The following DNAH3 variants were observed in gnomAD, a reference collection of about 807,000 sequenced individuals.
The protein encoded by DNAH3 is axonemal beta dynein heavy chain 3.
DNAH3 carries 332 observed loss-of-function variants against 432.5 expected under a neutral mutation model. That is an observed-to-expected ratio of 0.77 (90% CI 0.70 to 0.84). The LOEUF (loss-of-function observed/expected upper bound fraction) is 0.84, where lower values mean the gene tolerates loss of function less well. DNAH3 is among the 40% of genes least tolerant of loss of function. The probability of loss-of-function intolerance (pLI) is 0.00; values close to 1 mark genes in which losing one functional copy is unlikely to be tolerated. For missense variants in DNAH3, 4,861 were observed against 5,114.0 expected (o/e 0.95, Z 1.51); for synonymous variants, 1,956 against 1,900.2 (o/e 1.03, Z -0.76).
Position 21,098,781 on chromosome 16 carries a change from G to A in DNAH3, c.2367-12C>T, listed in dbSNP as rs761428504. 2 of 1,606,814 alleles carry A rather than the reference G, an allele frequency of 1.2e-6. No homozygotes were observed. Among genetic ancestry groups the A allele is most frequent in the Admixed American group, 1.7e-5 (1 of 57,482 alleles). On this transcript the variant is annotated splice_polypyrimidine_tract_variant and intron_variant, in intron 16 of 61. Coordinates refer to ENST00000261383, the Ensembl canonical transcript of DNAH3. ...CAAATTCTGAGCATCTGAAAATAAA[G>A]ACAGCCTGGTTACCTTTGGACTTTG...
chr16:21,084,186 T>C (rs968056525), intron 19 of DNAH3, among the ~76,000 whole-genome samples: 1 of 152,198 alleles, frequency 6.6e-6, no homozygotes, highest in Non-Finnish European at 1.5e-5. Context: ...TAATCTCCAC[T>C]TCAAAGGCCT....
intron 41 of DNAH3, among the ~76,000 whole-genome samples, chr16:21,010,902 G>GT (rs1183757459): frequency 1.2e-3 from 149 of 129,230 alleles, no homozygotes; most frequent in African/African-American, 3.0e-3. Context: ...TTTTTTTTTT[G>GT]TTTTTTTTTG....
intron 16 of DNAH3, among the ~76,000 whole-genome samples, chr16:21,100,764 G>A (rs1368739279): frequency 6.6e-6 from 1 of 152,144 alleles, no homozygotes; most frequent in African/African-American, 2.4e-5. Flanking sequence ...TTATTCTTCT[G>A]TTGTACATGC....
chr16:21,120,630 T>C, intron 11 of DNAH3: 2 of 841,116 alleles, frequency 2.4e-6, no homozygotes, highest in East Asian at 2.6e-5. Context: ...TTGTTTTTCC[T>C]TATTGTCTCG....
At chr16:21,029,467 T>A (rs1421732220) in intron 37 of DNAH3, among the ~76,000 whole-genome samples, 1 of 152,230 alleles carries the variant, frequency 6.6e-6, no homozygotes, top group Non-Finnish European at 1.5e-5. Context: ...GTATAAATAG[T>A]AACTTATCTA....
chr16:20,992,684 T>G (rs2086607665), intron 44 of DNAH3, among the ~76,000 whole-genome samples: 1 of 152,208 alleles, frequency 6.6e-6, no homozygotes, highest in Admixed American at 6.5e-5. Context: ...ATCAGCCATT[T>G]CTTTAAGATG....
intron 24 of DNAH3, among the ~76,000 whole-genome samples, chr16:21,066,298 T>C (rs536171002): frequency 2.6e-5 from 4 of 152,130 alleles, no homozygotes; most frequent in African/African-American, 7.2e-5. Flanking sequence ...TGACCATCAA[T>C]GGTGAACTAG....
intron 60 of DNAH3, among the ~76,000 whole-genome samples, chr16:20,935,692 A>G (rs1479004872): frequency 1.3e-5 from 2 of 152,094 alleles, no homozygotes; most frequent in African/African-American, 4.8e-5. Flanking sequence ...GTACTACAAA[A>G]ATTAGCCAGG....
intron 7 of DNAH3, chr16:21,129,193 G>A (rs1433181479): frequency 6.5e-6 from 1 of 152,924 alleles, no homozygotes; most frequent in African/African-American, 2.4e-5. Context: ...CAGTGTTCCA[G>A]GCACGCTCAC....
exon 49 of DNAH3, chr16:20,982,866 C>T (rs758362541): frequency 1.2e-6 from 2 of 1,614,114 alleles, no homozygotes; most frequent in Admixed American, 1.7e-5. Context: ...TTCCTGAAGG[C>T]ATCCCCTATT....
intron 5 of DNAH3, among the ~76,000 whole-genome samples, chr16:21,138,247 CA>C (rs1176116189): frequency 7.7e-4 from 106 of 137,144 alleles, no homozygotes; most frequent in Admixed American, 8.8e-4. Flanking sequence ...GATTCTGTCT[CA>C]AAAAAAAAAA....
intron 3 of DNAH3, among the ~76,000 whole-genome samples, chr16:21,143,650 CATTA>C (rs2092748354): frequency 6.6e-6 from 1 of 152,242 alleles, no homozygotes; most frequent in East Asian, 1.9e-4. Flanking sequence ...AACATTTGGG[CATTA>C]ATTATTTGCT....
chr16:21,157,058 C>T (rs2092902988), intron 1 of DNAH3, among the ~76,000 whole-genome samples: 1 of 151,528 alleles, frequency 6.6e-6, no homozygotes, highest in Non-Finnish European at 1.5e-5. Context: ...CAGCATTTTG[C>T]AGCTGAACAA....
At chr16:20,950,751 C>T (rs917643571) in intron 56 of DNAH3, among the ~76,000 whole-genome samples, 3 of 152,126 alleles carry the variant, frequency 2.0e-5, no homozygotes, top group South Asian at 2.1e-4. Context: ...TAGCACATGT[C>T]TATTCTTATT....
chr16:20,941,524 G>A (rs1290191945), exon 59 of DNAH3: 3 of 1,614,184 alleles, frequency 1.9e-6, no homozygotes. Context: ...AATGTCTTGT[G>A]CCAACTCCTC....
At chr16:20,980,277 T>G (rs1456015870) in intron 49 of DNAH3, among the ~76,000 whole-genome samples, 2 of 139,436 alleles carry the variant, frequency 1.4e-5, no homozygotes, top group African/African-American at 5.3e-5. Context: ...ATAATATACA[T>G]CATATATTAT....
At chr16:21,136,432 T>C (rs771600677) in exon 6 of DNAH3, 22 of 1,613,974 alleles carry the variant, frequency 1.4e-5, no homozygotes, top group Admixed American at 5.0e-5. Context: ...GAAATCAGCT[T>C]TGAAATCCGA....
Position 21,127,684 on chromosome 16 carries a change from G to T in DNAH3, c.1208+3C>A. ...CAGCCCCACTTGGAGGGCAGATACT[G>T]ACTTGTTGAGAAGAGTCTGGTGTGC... is the stretch of plus-strand genomic sequence containing the variant. On this transcript the variant is annotated splice_donor_region_variant and intron_variant, in intron 8 of 61. Transcript: ENST00000261383. 3 of 1,613,980 alleles carry T rather than the reference G, an allele frequency of 1.9e-6. No homozygotes were observed. The South Asian group carries it at 3.3e-5, about 18-fold the overall frequency.
At chr16:20,981,692 T>C (rs2085905399) in intron 49 of DNAH3, among the ~76,000 whole-genome samples, 1 of 151,882 alleles carries the variant, frequency 6.6e-6, no homozygotes, top group African/African-American at 2.4e-5. Context: ...ACCACTGCAC[T>C]CCAACCTGGG....
Sources: gnomAD v4.1 joint callset for allele counts (sites outside exome capture counted in the v4.1 genomes callset) on GRCh38, gnomAD v4.1.1 for gene constraint, MANE v1.5 for transcripts, NCBI Gene and HGNC (gene_info 2026-07-23, HGNC 2026-07-21) for gene names.